GABRB2: variants seen among roughly 807,000 people sequenced by gnomAD.
GABRB2 encodes gamma-aminobutyric acid type A receptor subunit beta2, also known as gamma-aminobutyric acid receptor subunit beta-2.
Under a neutral mutation model 54.7 loss-of-function variants are expected in GABRB2, and 16 were observed. That is an observed-to-expected ratio of 0.29 (90% CI 0.20 to 0.44). GABRB2 has a LOEUF of 0.44. Ranked by LOEUF, GABRB2 falls within the 20% of genes least tolerant of loss-of-function variation. The pLI is 1.00. For missense variants in GABRB2, 355 were observed against 644.0 expected, an observed-to-expected ratio of 0.55 and a Z score of 4.86; for synonymous variants, 244 against 233.8, an observed-to-expected ratio of 1.04 and a Z score of -0.40.
intron 4 of GABRB2, among the ~76,000 whole-genome samples, chr5:161,439,662 C>T (rs928066959): frequency 6.6e-6 from 1 of 151,200 alleles, no homozygotes; most frequent in Admixed American, 6.6e-5. Context: ...AGTAGGGGGA[C>T]GAAGCTAAAG....
chr5:161,388,772 AG>A (rs1415884251), intron 5 of GABRB2, among the ~76,000 whole-genome samples: 1 of 151,872 alleles, frequency 6.6e-6, no homozygotes, highest in Non-Finnish European at 1.5e-5. Flanking sequence ...CCAAATCTTT[AG>A]CCTTCCTCAT....
At chr5:161,408,213 G>A (rs1430053001) in intron 5 of GABRB2, among the ~76,000 whole-genome samples, 4 of 152,026 alleles carry the variant, frequency 2.6e-5, no homozygotes, top group Admixed American at 6.6e-5. Flanking sequence ...GCTCACTGGA[G>A]CACTTCAGAT....
chr5:161,364,090 G>A (rs1754905484), intron 5 of GABRB2, among the ~76,000 whole-genome samples: 1 of 152,124 alleles, frequency 6.6e-6, no homozygotes, highest in African/African-American at 2.4e-5. Flanking sequence ...TAATCCAGGA[G>A]TAACATGTGC....
chr5:161,539,125 G>T (rs1436419252), intron 3 of GABRB2, among the ~76,000 whole-genome samples: 1 of 152,190 alleles, frequency 6.6e-6, no homozygotes, highest in Non-Finnish European at 1.5e-5. Flanking sequence ...CAAATGTGTT[G>T]TTTTAAGATG....
intron 5 of GABRB2, among the ~76,000 whole-genome samples, chr5:161,376,968 AAGG>A (rs1755324285): frequency 6.6e-6 from 1 of 152,160 alleles, no homozygotes; most frequent in South Asian, 2.1e-4. Context: ...AACAAAGAAG[AAGG>A]AATAAAAAGT....
At chr5:161,452,300 C>A (rs1757811711) in intron 4 of GABRB2, among the ~76,000 whole-genome samples, 1 of 152,162 alleles carries the variant, frequency 6.6e-6, no homozygotes, top group Non-Finnish European at 1.5e-5. Context: ...CATACATTAA[C>A]AAAGTCACAG....
chr5:161,294,815 G>C (rs906523124), intron 9 of GABRB2, among the ~76,000 whole-genome samples: 7 of 152,246 alleles, frequency 4.6e-5, no homozygotes, highest in African/African-American at 1.7e-4. Flanking sequence ...AACAGTGTTA[G>C]GAAATTAATT....
chr5:161,456,910 C>T (rs1181776463), intron 4 of GABRB2, among the ~76,000 whole-genome samples: 3 of 151,980 alleles, frequency 2.0e-5, no homozygotes, highest in Non-Finnish European at 4.4e-5. Context: ...TCAACTGTAA[C>T]AATAGAATAA....
At chr5:161,530,873 G>C (rs781707701) in intron 3 of GABRB2, among the ~76,000 whole-genome samples, 1 of 152,090 alleles carries the variant, frequency 6.6e-6, no homozygotes, top group Non-Finnish European at 1.5e-5. Flanking sequence ...AGATGCAAAT[G>C]TGCACAGCCT....
intron 9 of GABRB2, among the ~76,000 whole-genome samples, chr5:161,310,232 A>G (rs915462096): frequency 6.6e-6 from 1 of 152,178 alleles, no homozygotes; most frequent in Non-Finnish European, 1.5e-5. Flanking sequence ...TACCTGAGTG[A>G]TCAAATAATC....
chr5:161,533,619 A>C (rs1202132803), intron 3 of GABRB2, among the ~76,000 whole-genome samples: 1 of 152,098 alleles, frequency 6.6e-6, no homozygotes, highest in Non-Finnish European at 1.5e-5. Context: ...TTTATTTTCA[A>C]ATAATCTATA....
intron 3 of GABRB2, among the ~76,000 whole-genome samples, chr5:161,478,287 C>T (rs1024954031): frequency 6.6e-6 from 1 of 151,944 alleles, no homozygotes; most frequent in South Asian, 2.1e-4. Flanking sequence ...GACATAACAC[C>T]ATTAAGTTAT....
chr5:161,362,185 A>G (rs1372248230), intron 5 of GABRB2, among the ~76,000 whole-genome samples: 1 of 152,116 alleles, frequency 6.6e-6, no homozygotes, highest in Non-Finnish European at 1.5e-5. Flanking sequence ...GTAGCCATGT[A>G]GCATAATTTG....
chr5:161,515,050 C>T (rs932942658), intron 3 of GABRB2, among the ~76,000 whole-genome samples: 1 of 152,044 alleles, frequency 6.6e-6, no homozygotes, highest in Non-Finnish European at 1.5e-5. Context: ...AAATTTAGGT[C>T]AGTTAATGTC....
chr5:161,384,071 G>C (rs1429528898), intron 5 of GABRB2, among the ~76,000 whole-genome samples: 1 of 152,022 alleles, frequency 6.6e-6, no homozygotes, highest in Non-Finnish European at 1.5e-5. Flanking sequence ...CGATTTCTAA[G>C]GTCCATTGTG....
chr5:161,365,405 C>A (rs1754943487), intron 5 of GABRB2, among the ~76,000 whole-genome samples: 1 of 152,024 alleles, frequency 6.6e-6, no homozygotes, highest in Non-Finnish European at 1.5e-5. Context: ...TGCCTCTTTG[C>A]CTTATTTTGT....
At chr5:161,368,545 C>T (rs1432893649) in intron 5 of GABRB2, among the ~76,000 whole-genome samples, 2 of 152,108 alleles carry the variant, frequency 1.3e-5, no homozygotes, top group African/African-American at 4.8e-5. Context: ...TCTAGCTTCT[C>T]TTGGAAAAAG....
At chr5:161,448,281 G>A (rs1757691836) in intron 4 of GABRB2, among the ~76,000 whole-genome samples, 1 of 152,084 alleles carries the variant, frequency 6.6e-6, no homozygotes, top group African/African-American at 2.4e-5. Flanking sequence ...AAATTAGCCG[G>A]ATGTAGTGGT....
chr5:161,453,928 C>T (rs1757867615), intron 4 of GABRB2, among the ~76,000 whole-genome samples: 1 of 151,312 alleles, frequency 6.6e-6, no homozygotes, highest in Non-Finnish European at 1.5e-5. Flanking sequence ...ATCCTAGTTA[C>T]TCGGGAGGCT....
Sources: gnomAD v4.1 joint callset for allele counts (sites outside exome capture counted in the v4.1 genomes callset) on GRCh38, gnomAD v4.1.1 for gene constraint, MANE v1.5 for transcripts, NCBI Gene and HGNC (gene_info 2026-07-23, HGNC 2026-07-21) for gene names.